The following BABAM2 variants were observed in gnomAD, a reference collection of about 807,000 sequenced individuals.
The protein encoded by BABAM2 is BRISC and BRCA1-A complex member 2.
BABAM2 carries 31 observed loss-of-function variants against 54.7 expected under a neutral mutation model. The ratio of observed to expected loss-of-function variants is 0.57; its 90% CI spans 0.43 to 0.77. BABAM2 has a LOEUF of 0.77. BABAM2 is among the 30% of genes least tolerant of loss of function. The pLI is 0.00. For missense variants in BABAM2, 364 were observed against 455.8 expected, an observed-to-expected ratio of 0.80 and a Z score of 1.83; for synonymous variants, 167 against 162.9, an observed-to-expected ratio of 1.03 and a Z score of -0.19.
intron 6 of BABAM2, among the ~76,000 whole-genome samples, chr2:28,050,387 T>C (rs920803621): frequency 6.6e-6 from 1 of 152,222 alleles, no homozygotes; most frequent in African/African-American, 2.4e-5. Flanking sequence ...CCTTGATTTA[T>C]ACTATACAGT....
chr2:28,024,572 T>G (rs1042689852), intron 4 of BABAM2, among the ~76,000 whole-genome samples: 3 of 152,204 alleles, frequency 2.0e-5, no homozygotes, highest in African/African-American at 7.2e-5. Context: ...TGAGTGTGAT[T>G]GAGTTCCAAG....
chr2:28,140,483 A>G (rs1670945338), intron 7 of BABAM2, among the ~76,000 whole-genome samples: 1 of 152,180 alleles, frequency 6.6e-6, no homozygotes, highest in African/African-American at 2.4e-5. Context: ...AACTCTACAT[A>G]TTTGTCAAAA....
Position 28,304,257 on chromosome 2 carries a change from T to C in BABAM2, c.1088+5766T>C, listed in dbSNP as rs1466007426. Among the ~76,000 whole-genome samples, 2 of 152,042 alleles carry C rather than the reference T, an allele frequency of 1.3e-5. No homozygotes were observed. The highest frequency in any genetic ancestry group is 2.9e-5 in the Non-Finnish European group (2 of 67,976). On this transcript the variant is annotated intron_variant, in intron 11 of 11. Coordinates refer to ENST00000379624, the MANE Select transcript of BABAM2 (RefSeq NM_199191.3). The surrounding 1 kb of genome is among the most constrained non-coding windows in gnomAD (Gnocchi z 4.0). ...TTTTAGTACAGACAGGGTTTTGGCA[T>C]GTTGGCCAGTCTGGTTTCAAACTCC...
At chr2:27,989,314 G>A (rs1672615304) in intron 4 of BABAM2, among the ~76,000 whole-genome samples, 1 of 152,076 alleles carries the variant, frequency 6.6e-6, no homozygotes, top group South Asian at 2.1e-4. Flanking sequence ...AAGTGCCTCA[G>A]GAATTTAAAG....
intron 7 of BABAM2, among the ~76,000 whole-genome samples, chr2:28,198,251 C>T (rs1342505351): frequency 6.6e-6 from 1 of 151,858 alleles, no homozygotes; most frequent in Non-Finnish European, 1.5e-5. Flanking sequence ...GCAAGCTCCG[C>T]CTCCCGGGTT....
At chr2:28,230,438 G>A (rs879382389) in intron 7 of BABAM2, among the ~76,000 whole-genome samples, 12 of 151,994 alleles carry the variant, frequency 7.9e-5, no homozygotes, top group Non-Finnish European at 1.2e-4. Flanking sequence ...GAACAAGTCC[G>A]GGCGTGATGG....
intron 6 of BABAM2, among the ~76,000 whole-genome samples, chr2:28,102,632 CCAGTTTTCAGTTA>C (rs1667183622): frequency 6.6e-6 from 1 of 152,152 alleles, no homozygotes; most frequent in Non-Finnish European, 1.5e-5. Flanking sequence ...CAGTAAATTC[CCAGTTTTCAGTTA>C]CAGTAGGTAG....
chr2:28,203,855 A>G (rs1188680445), intron 7 of BABAM2, among the ~76,000 whole-genome samples: 2 of 152,142 alleles, frequency 1.3e-5, no homozygotes, highest in African/African-American at 2.4e-5. Flanking sequence ...TGCCAGGGTG[A>G]ACATCCTTAG....
intron 11 of BABAM2, chr2:28,309,464 G>A (rs974245308): frequency 6.6e-6 from 1 of 152,132 alleles, no homozygotes; most frequent in African/African-American, 2.4e-5. Flanking sequence ...GAATCTTGGG[G>A]GTCACGTTAG....
At chr2:28,161,191 C>T (rs532984036) in intron 7 of BABAM2, among the ~76,000 whole-genome samples, 3 of 152,188 alleles carry the variant, frequency 2.0e-5, no homozygotes, top group African/African-American at 4.8e-5. Flanking sequence ...TGAAGAATGC[C>T]ATTGTGGAGC....
intron 11 of BABAM2, among the ~76,000 whole-genome samples, chr2:28,330,506 G>C (rs184466954): frequency 2.6e-5 from 4 of 152,106 alleles, no homozygotes; most frequent in Non-Finnish European, 4.4e-5. Context: ...AAATCAATGT[G>C]CAAAAATCAC....
intron 7 of BABAM2, among the ~76,000 whole-genome samples, chr2:28,183,771 A>ACACACACACG (rs1411173210): frequency 9.2e-5 from 14 of 151,904 alleles, no homozygotes; most frequent in African/African-American, 3.4e-4. Flanking sequence ...ACACACACAC[A>ACACACACACG]CACGTACATT....
At chr2:28,239,271 C>T (rs1682193719) in intron 8 of BABAM2, among the ~76,000 whole-genome samples, 1 of 152,178 alleles carries the variant, frequency 6.6e-6, no homozygotes, top group Non-Finnish European at 1.5e-5. Context: ...TTAAAGGGTT[C>T]AACATGGCTA....
At chr2:28,241,453 A>G in intron 9 of BABAM2, 60 bp downstream of exon 9, 1 of 1,487,966 alleles carries the variant, frequency 6.7e-7, no homozygotes, top group Non-Finnish European at 9.4e-7. Flanking sequence ...GATGACCTCA[A>G]CATGGGGGCT....
intron 10 of BABAM2, among the ~76,000 whole-genome samples, chr2:28,290,514 GT>G (rs1687200503): frequency 6.6e-6 from 1 of 152,220 alleles, no homozygotes; most frequent in Non-Finnish European, 1.5e-5. Flanking sequence ...TGAAGTGGAA[GT>G]TCATTGAGGT....
rs1280885231 is a variant in BABAM2 at position 28,220,933 on chromosome 2, A to G, written c.681-16269A>G. Reference sequence around the variant, plus strand: ...GAAGACCCTGTCAAAAAAAAGAACAACTATACAAAATGCAACGTGATCATG... The same window carrying G: ...GAAGACCCTGTCAAAAAAAAGAACAGCTATACAAAATGCAACGTGATCATG... On this transcript the variant is annotated intron_variant, in intron 7 of 11. Coordinates refer to ENST00000379624, the MANE Select transcript of BABAM2 (RefSeq NM_199191.3). Among the ~76,000 whole-genome samples, 9 of 152,232 alleles carry G rather than the reference A, an allele frequency of 5.9e-5. No homozygotes were observed. The East Asian group carries it at 1.5e-3, about 26-fold the overall frequency.
Position 28,161,404 on chromosome 2 carries a change from G to A in BABAM2, c.680+32024G>A, listed in dbSNP as rs76723291. On this transcript the variant is annotated intron_variant, in intron 7 of 11. Transcript: ENST00000379624. Reference sequence around the variant, plus strand: ...CTCCAGGGAATGGGAATGGGGATGGGAGCAAGAGTTGGGTTGGGGGTAGGT... The same window carrying A: ...CTCCAGGGAATGGGAATGGGGATGGAAGCAAGAGTTGGGTTGGGGGTAGGT... 0.013 allele frequency among the ~76,000 whole-genome samples: 1,949 copies of A among 152,228 alleles called. 100 individuals carry two copies. The East Asian group carries it at 0.17, about 14-fold the overall frequency.
At chr2:28,250,370 G>A (rs1225323252) in intron 10 of BABAM2, among the ~76,000 whole-genome samples, 2 of 144,244 alleles carry the variant, frequency 1.4e-5, no homozygotes, top group Admixed American at 7.0e-5. Flanking sequence ...CTTTCTTAGC[G>A]GTTTATTCTA....
intron 7 of BABAM2, among the ~76,000 whole-genome samples, chr2:28,142,461 T>C (rs971732010): frequency 6.6e-6 from 1 of 152,196 alleles, no homozygotes; most frequent in Admixed American, 6.5e-5. Flanking sequence ...GAAGAAGTTA[T>C]ATGTATCAGT....
Sources: allele counts gnomAD v4.1 joint callset (sites outside exome capture counted in the v4.1 genomes callset), GRCh38; gene constraint gnomAD v4.1.1; non-coding constraint Gnocchi (gnomAD v3.1); transcripts MANE v1.5; gene names NCBI Gene and HGNC (gene_info 2026-07-23, HGNC 2026-07-21).